The following TUSC3 variants were observed in gnomAD, a reference collection of about 807,000 sequenced individuals.
TUSC3 encodes tumor suppressor candidate 3, also known as dolichyl-diphosphooligosaccharide--protein glycosyltransferase subunit TUSC3.
Under a neutral mutation model 44.8 loss-of-function variants are expected in TUSC3, and 45 were observed. The ratio of observed to expected loss-of-function variants is 1.00; its 90% confidence interval spans 0.79 to 1.29. The LOEUF (loss-of-function observed/expected upper bound fraction) is 1.29. Among genes scored for constraint, TUSC3 ranks in the 50% most tolerant of loss-of-function variants. The pLI is 0.00. For synonymous variants in TUSC3, 212 were observed against 152.9 expected (o/e 1.39, Z -2.85); for missense variants, 519 against 437.9 (o/e 1.19, Z -1.65).
chr8:15,653,972 GC>G (rs1330700464), intron 3 of TUSC3, among the ~76,000 whole-genome samples: 1 of 152,248 alleles, frequency 6.6e-6, no homozygotes, highest in East Asian at 1.9e-4. Flanking sequence ...AATGGCTGAG[GC>G]TAGGTATCTG....
intron 1 of TUSC3, among the ~76,000 whole-genome samples, chr8:15,455,546 A>G (rs1473273650): frequency 6.6e-6 from 1 of 152,178 alleles, no homozygotes; most frequent in African/African-American, 2.4e-5. Flanking sequence ...ACACATATAT[A>G]TGCATTTGTG....
At chr8:15,469,122 G>C (rs1276040938) in intron 1 of TUSC3, among the ~76,000 whole-genome samples, 1 of 152,110 alleles carries the variant, frequency 6.6e-6, no homozygotes, top group African/African-American at 2.4e-5. Flanking sequence ...GAAGCAATTT[G>C]AACCACCAAA....
the TUSC3 span, among the ~76,000 whole-genome samples, chr8:15,784,525 T>C: frequency 1.3e-5 from 2 of 152,006 alleles, no homozygotes; most frequent in Non-Finnish European, 2.9e-5. Flanking sequence ...TGCATATATA[T>C]ATATACATAT....
the TUSC3 span, among the ~76,000 whole-genome samples, chr8:15,847,719 G>C: frequency 6.6e-6 from 1 of 152,102 alleles, no homozygotes; most frequent in African/African-American, 2.4e-5. Flanking sequence ...CCGAGGCAGA[G>C]TTTATATACA....
intron 4 of TUSC3, among the ~76,000 whole-genome samples, chr8:15,661,352 A>G (rs1436639987): frequency 1.3e-5 from 2 of 151,916 alleles, no homozygotes; most frequent in African/African-American, 4.8e-5. Flanking sequence ...TTTAATCCGG[A>G]ATATTTCTGT....
chr8:15,706,012 A>G lies in TUSC3; in HGVS notation c.799-24654A>G, dbSNP rs185146598. 3.3e-5 allele frequency among the ~76,000 whole-genome samples: 5 copies of G among 152,092 alleles called. No homozygotes were observed. In the East Asian group the frequency reaches 9.7e-4, roughly 29 times the overall value. ...AGTACTCTTTAAAGATACTCATATT[A>G]TACATGGTTGGATCTCTCAAATTTT... On this transcript the variant is annotated intron_variant, in intron 6 of 10. Transcript: ENST00000503731.
At position 15,630,722 on chromosome 8, in the gene TUSC3, A is replaced by G. The variant is rs566383346; in HGVS notation, c.308+7473A>G. 3.3e-5 allele frequency among the ~76,000 whole-genome samples: 5 copies of G among 152,304 alleles called. No homozygotes were observed. In the East Asian group the frequency reaches 5.8e-4, roughly 18 times the overall value. ...ACCAAGATTATTAGTGTCTTAGGGC[A>G]GTGATCTCTCCGCCAGCATATCCTA... On this transcript the variant is annotated intron_variant, in intron 2 of 10. Coordinates refer to ENST00000503731, the MANE Select transcript of TUSC3 (RefSeq NM_006765.4).
At chr8:15,599,388 T>C (rs762946053) in intron 1 of TUSC3, among the ~76,000 whole-genome samples, 11 of 151,776 alleles carry the variant, frequency 7.2e-5, no homozygotes, top group Non-Finnish European at 1.5e-4. Flanking sequence ...CGTCTTCTTA[T>C]TTCGTTCACC....
chr8:15,639,292 GTGA>G lies in TUSC3; in HGVS notation c.309-11397_309-11395del, dbSNP rs376717802. Among the ~76,000 whole-genome samples, 935 of 151,918 alleles carry G rather than the reference GTGA, an allele frequency of 6.2e-3. 9 individuals carry two copies. Among genetic ancestry groups the G allele is most frequent in the African/African-American group, 0.02 (816 of 41,424 alleles). ...AGATCACATGATGTTCAGAGCTTCA[GTGA>G]TGATGATCATGTGTTGATGCTAGAT... is the stretch of plus-strand genomic sequence containing the variant. On this transcript the variant is annotated intron_variant, in intron 2 of 10. Transcript: ENST00000503731.
chr8:15,724,756 A>G (rs1810436042), intron 6 of TUSC3, among the ~76,000 whole-genome samples: 1 of 152,162 alleles, frequency 6.6e-6, no homozygotes, highest in South Asian at 2.1e-4. Context: ...CTTTTTCATG[A>G]TGTTTTCAAG....
the TUSC3 span, among the ~76,000 whole-genome samples, chr8:15,828,301 A>AT: frequency 6.6e-6 from 1 of 152,224 alleles, no homozygotes. Context: ...AGCCAATATA[A>AT]TTTTTTTAAT....
the TUSC3 span, among the ~76,000 whole-genome samples, chr8:15,836,194 A>C: frequency 6.6e-6 from 1 of 151,924 alleles, no homozygotes; most frequent in Non-Finnish European, 1.5e-5. Flanking sequence ...AAAGTAACAC[A>C]GCTGGGCATG....
chr8:15,822,840 G>A, the TUSC3 span, among the ~76,000 whole-genome samples: 2 of 152,248 alleles, frequency 1.3e-5, no homozygotes, highest in Admixed American at 1.3e-4. Context: ...CCAATAAGAA[G>A]ATTCTTAGTG....
intron 1 of TUSC3, among the ~76,000 whole-genome samples, chr8:15,431,337 A>G (rs1354919074): frequency 6.6e-6 from 1 of 151,638 alleles, no homozygotes; most frequent in Non-Finnish European, 1.5e-5. Context: ...ATATCTATCT[A>G]TTTGTGTCTT....
intron 2 of TUSC3, among the ~76,000 whole-genome samples, chr8:15,523,690 G>GTATATATATATATATATA (rs1327611283): frequency 2.0e-5 from 1 of 50,958 alleles, no homozygotes; most frequent in Admixed American, 2.1e-4. Flanking sequence ...GTGTGTGTGT[G>GTATATATATATATATATA]TGTGTGTGTG....
intron 1 of TUSC3, among the ~76,000 whole-genome samples, chr8:15,602,293 A>G (rs1364557173): frequency 2.0e-5 from 3 of 151,638 alleles, no homozygotes; most frequent in African/African-American, 7.3e-5. Context: ...AGAACTATTT[A>G]GCTTTTGTGG....
intron 6 of TUSC3, among the ~76,000 whole-genome samples, chr8:15,687,314 C>T (rs1450874160): frequency 1.3e-5 from 2 of 152,160 alleles, no homozygotes; most frequent in South Asian, 2.1e-4. Context: ...CCTCAAGTCT[C>T]AGTCTTCAGA....
chr8:15,590,370 A>G (rs544180804), intron 1 of TUSC3, among the ~76,000 whole-genome samples: 16 of 152,230 alleles, frequency 1.1e-4, no homozygotes, highest in African/African-American at 3.8e-4. Context: ...ACAAAACCCA[A>G]GCTTTAGGCC....
intron 1 of TUSC3, among the ~76,000 whole-genome samples, chr8:15,620,603 C>G (rs1033440758): frequency 2.0e-5 from 3 of 152,096 alleles, no homozygotes; most frequent in Non-Finnish European, 2.9e-5. Context: ...TTCAGTTAAA[C>G]CAAGTTAAGA....
Sources: allele counts gnomAD v4.1 joint callset (sites outside exome capture counted in the v4.1 genomes callset), GRCh38; gene constraint gnomAD v4.1.1; transcripts MANE v1.5; gene names NCBI Gene and HGNC (gene_info 2026-07-23, HGNC 2026-07-21).